Variants in RGPD2 observed in about 807,000 individuals in gnomAD.
RGPD2 encodes the protein RANBP2 like and GRIP domain containing 2.
In RGPD2, 2 loss-of-function variants were observed where a neutral mutation model predicts 36.0. The ratio of observed to expected loss-of-function variants is 0.06; its 90% CI spans 0.02 to 0.17. The LOEUF is 0.17. Among genes scored for constraint, RGPD2 ranks in the 10% least tolerant of loss-of-function variants. RGPD2 has a pLI of 1.00. For missense variants in RGPD2, 40 were observed against 464.3 expected (o/e 0.09, Z 8.40); for synonymous variants, 19 against 163.8 (o/e 0.12, Z 6.75).
At chr2:87,976,237 G>C in the RGPD2 span, among the ~76,000 whole-genome samples, 1 of 151,678 alleles carries the variant, frequency 6.6e-6, no homozygotes, top group African/African-American at 2.4e-5. Flanking sequence ...ATTGTGTGGA[G>C]CAAAAAGTGT....
At chr2:87,952,365 A>T in the RGPD2 span, among the ~76,000 whole-genome samples, 1 of 152,190 alleles carries the variant, frequency 6.6e-6, no homozygotes, top group Admixed American at 6.5e-5. Context: ...AATATTAGAG[A>T]TGATGCCTTA....
the RGPD2 span, among the ~76,000 whole-genome samples, chr2:87,977,689 C>T: frequency 3.3e-5 from 5 of 151,238 alleles, no homozygotes; most frequent in African/African-American, 1.2e-4. Flanking sequence ...ATTCCATTTA[C>T]ATTTAGAATC....
At chr2:87,846,489 T>C in the RGPD2 span, among the ~76,000 whole-genome samples, 1 of 152,094 alleles carries the variant, frequency 6.6e-6, no homozygotes, top group African/African-American at 2.4e-5. Context: ...GACTTGATCA[T>C]TACACATTCT....
chr2:87,937,748 G>T, the RGPD2 span, among the ~76,000 whole-genome samples: 1 of 151,946 alleles, frequency 6.6e-6, no homozygotes, highest in Non-Finnish European at 1.5e-5. Context: ...GGGTTAGGTA[G>T]ATTGGATAAG....
the RGPD2 span, among the ~76,000 whole-genome samples, chr2:87,965,055 G>T: frequency 6.7e-6 from 1 of 148,936 alleles, no homozygotes; most frequent in Non-Finnish European, 1.5e-5. Flanking sequence ...AGAACCACCT[G>T]ACATGAGTTT....
the RGPD2 span, among the ~76,000 whole-genome samples, chr2:87,974,693 G>A: frequency 1.3e-5 from 2 of 152,102 alleles, no homozygotes; most frequent in African/African-American, 4.8e-5. Flanking sequence ...CAATGCCTTT[G>A]GTCAAGTCCT....
At position 87,825,684 on chromosome 2, in the gene RGPD2, G is replaced by C; in HGVS notation, c.46C>G (p.Gln16Glu). The stretch of plus-strand genomic sequence containing the variant: ...TTTCCAGGCGACGGGGCGGAGCCCT[G>C]CACCGAGGCGAGGTACCGCTCCCCG... The part of the protein sequence containing the change: ...AYGERYLASV[Q>E]GSAPSPGKKL... The change falls in exon 1 of 23, where the codon CAG becomes GAG. Residue 16 changes from glutamine to glutamate, a missense_variant. Physicochemically the swap from Gln to Glu is conservative, Grantham distance 29. Coordinates refer to ENST00000398146, the MANE Select transcript of RGPD2 (RefSeq NM_001078170.3). 1 of 1,598,058 alleles carries C rather than the reference G, an allele frequency of 6.3e-7. No individual in the cohort carries two copies. Among genetic ancestry groups the C allele is most frequent in the Non-Finnish European group, 8.5e-7 (1 of 1,173,320 alleles).
chr2:87,915,900 T>C, the RGPD2 span, among the ~76,000 whole-genome samples: 2 of 150,904 alleles, frequency 1.3e-5, no homozygotes, highest in Admixed American at 1.3e-4. Context: ...ATAAATAACA[T>C]ATAAAGAAGA....
chr2:87,948,567 G>C, the RGPD2 span, among the ~76,000 whole-genome samples: 1 of 144,764 alleles, frequency 6.9e-6, no homozygotes, highest in Non-Finnish European at 1.5e-5. Flanking sequence ...TTTTAGTAGA[G>C]ACGGGGTTTC....
At chr2:87,839,774 G>T in the RGPD2 span, among the ~76,000 whole-genome samples, 1 of 152,016 alleles carries the variant, frequency 6.6e-6, no homozygotes, top group Non-Finnish European at 1.5e-5. Context: ...CTACTTGAAG[G>T]TGGAGGGTAT....
At chr2:87,947,203 A>C in the RGPD2 span, among the ~76,000 whole-genome samples, 1 of 151,916 alleles carries the variant, frequency 6.6e-6, no homozygotes. Flanking sequence ...ACTCAGCTCC[A>C]TAGGCCAGGT....
At chr2:87,972,152 T>C in the RGPD2 span, among the ~76,000 whole-genome samples, 1 of 152,114 alleles carries the variant, frequency 6.6e-6, no homozygotes, top group Non-Finnish European at 1.5e-5. Flanking sequence ...TGGTCAGCAA[T>C]GAAAGCAGTG....
the RGPD2 span, among the ~76,000 whole-genome samples, chr2:87,986,420 A>G: frequency 2.0e-5 from 3 of 150,966 alleles, no homozygotes; most frequent in Non-Finnish European, 3.0e-5. Context: ...GGTGTGAGCC[A>G]CTGTGCCCAG....
the RGPD2 span, among the ~76,000 whole-genome samples, chr2:87,954,994 CTTTTT>C: frequency 2.9e-3 from 56 of 19,180 alleles, 1 homozygote; most frequent in Admixed American, 7.4e-3. Context: ...CTGCTTGAAA[CTTTTT>C]TTTTTTTTTT....
the RGPD2 span, among the ~76,000 whole-genome samples, chr2:87,870,105 T>C: frequency 2.6e-5 from 4 of 152,282 alleles, no homozygotes; most frequent in Non-Finnish European, 5.9e-5. Context: ...TAACTTCTGA[T>C]CTCTCTGCAC....
At chr2:87,865,502 A>AAC in the RGPD2 span, among the ~76,000 whole-genome samples, 2 of 152,172 alleles carry the variant, frequency 1.3e-5, no homozygotes, top group African/African-American at 4.8e-5. Context: ...AGAGCCTGGT[A>AAC]TCATAACTGA....
the RGPD2 span, among the ~76,000 whole-genome samples, chr2:87,915,070 G>A: frequency 2.0e-5 from 3 of 151,716 alleles, no homozygotes; most frequent in South Asian, 2.1e-4. Flanking sequence ...TCGCTTCAAT[G>A]CAGGAGGTGG....
the RGPD2 span, among the ~76,000 whole-genome samples, chr2:87,914,789 G>T: frequency 6.7e-6 from 1 of 149,054 alleles, no homozygotes; most frequent in African/African-American, 2.5e-5. Flanking sequence ...ACAATTTTTT[G>T]ATTGAAACTA....
chr2:87,930,867 T>C, the RGPD2 span, among the ~76,000 whole-genome samples: 1 of 147,466 alleles, frequency 6.8e-6, no homozygotes. Context: ...AGTATAGAGG[T>C]GTTCATAATA....
Sources: allele counts gnomAD v4.1 joint callset (sites outside exome capture counted in the v4.1 genomes callset), GRCh38; gene constraint gnomAD v4.1.1; transcripts MANE v1.5; gene names NCBI Gene and HGNC (gene_info 2026-07-23, HGNC 2026-07-21).